The following IGSF22 variants were observed in gnomAD, a reference collection of about 807,000 sequenced individuals.
The protein encoded by IGSF22 is immunoglobulin superfamily, member 22.
In IGSF22, 119 loss-of-function variants were observed where a neutral mutation model predicts 127.0. That is an observed-to-expected ratio of 0.94 (90% CI 0.81 to 1.09). The LOEUF is 1.09. Among genes scored for constraint, IGSF22 ranks in the 50% least tolerant of loss-of-function variants. IGSF22 has a pLI of 0.00. For synonymous variants in IGSF22, 568 were observed against 664.7 expected (o/e 0.85, Z 2.24); for missense variants, 1,518 against 1,716.6 (o/e 0.88, Z 2.04).
At chr11:18,705,756 C>T (rs1215106322) in intron 22 of IGSF22, 61 bp downstream of exon 22, 3 of 1,430,444 alleles carry the variant, frequency 2.1e-6, no homozygotes, top group Non-Finnish European at 2.8e-6. Context: ...ACCAATGGCC[C>T]ACAAGACCAG....
At chr11:18,704,979 T>C (rs146162324) in intron 22 of IGSF22, among the ~76,000 whole-genome samples, 83 of 152,296 alleles carry the variant, frequency 5.4e-4, no homozygotes, top group African/African-American at 1.3e-3. Flanking sequence ...TCTGGAGATA[T>C]TGTCTCAGTG....
At chr11:18,719,997 G>A (rs1339522964) in intron 6 of IGSF22, 67 bp downstream of exon 6, 6 of 1,610,532 alleles carry the variant, frequency 3.7e-6, no homozygotes, top group Non-Finnish European at 5.1e-6. Context: ...CTTGTTGAGA[G>A]GCCTTTGAGA....
At position 18,721,991 on chromosome 11, in the gene IGSF22, C is replaced by T. The variant is rs762619295; in HGVS notation, c.160G>A (p.Val54Met). Residue 54 changes from valine to methionine, a missense_variant, in exon 3 of 23, where the codon GTG becomes ATG. Around this residue, in one of 3 missense-constraint regions of IGSF22, gnomAD observed 1,456 missense variants for 1,644.9 expected, o/e 0.89. Coordinates refer to ENST00000513874, the MANE Select transcript of IGSF22 (RefSeq NM_173588.4). ...SSSIVEFFSL[V>M]TRSSNIPAGD... is the part of the protein sequence containing the mutation. ...GCAGGGATGTTTGAGCTCCGGGTCA[C>T]TAAGCTGAAGAACTCCACTATGCTC... 3 of 1,614,118 alleles carry T rather than the reference C, an allele frequency of 1.9e-6. No individual in the cohort carries two copies. The highest frequency in any genetic ancestry group is 2.5e-6 in the Non-Finnish European group (3 of 1,180,038).
intron 9 of IGSF22, among the ~76,000 whole-genome samples, chr11:18,717,505 G>A (rs1164575835): frequency 6.6e-6 from 1 of 152,054 alleles, no homozygotes; most frequent in East Asian, 1.9e-4. Context: ...ATGGCTCACT[G>A]CAGCCTCAGC....
chr11:18,705,567 T>C (rs1848208104), intron 22 of IGSF22: 3 of 548,378 alleles, frequency 5.5e-6, no homozygotes, highest in Admixed American at 6.4e-5. Context: ...AGGTCTAGGC[T>C]CACCAAGAGT....
chr11:18,719,335 T>TC (rs1848524747), intron 7 of IGSF22, among the ~76,000 whole-genome samples: 1 of 151,970 alleles, frequency 6.6e-6, no homozygotes, highest in Non-Finnish European at 1.5e-5. Flanking sequence ...TTTTTGTTTT[T>TC]TTTGTATTTT....
At chr11:18,720,373 T>C (rs1848549332) in intron 4 of IGSF22, 88 bp from the exon 5 acceptor site, 1 of 919,480 alleles carries the variant, frequency 1.1e-6, no homozygotes, top group South Asian at 1.5e-5. Flanking sequence ...CTTTTTTTTT[T>C]TTAGGGGACA....
At chr11:18,705,143 T>A (rs1233285743) in intron 22 of IGSF22, among the ~76,000 whole-genome samples, 1 of 131,346 alleles carries the variant, frequency 7.6e-6, no homozygotes, top group Non-Finnish European at 1.6e-5. Flanking sequence ...GAAGGTGAGA[T>A]GAGAGGTGGG....
Position 18,709,890 on chromosome 11 carries a change from A to G in IGSF22, c.2702-207T>C, listed in dbSNP as rs895897253. Among the ~76,000 whole-genome samples, 2 of 151,964 alleles carry G rather than the reference A, an allele frequency of 1.3e-5. No individual in the cohort carries two copies. Among genetic ancestry groups the G allele is most frequent in the Non-Finnish European group, 2.9e-5 (2 of 68,002 alleles). Reference sequence around the variant, plus strand: ...TACTGTTTTAACACTTTCATCCTTAAACTCAATACCCCTTAAATTCAACAT... The same window carrying G: ...TACTGTTTTAACACTTTCATCCTTAGACTCAATACCCCTTAAATTCAACAT... On this transcript the variant is annotated intron_variant, in intron 17 of 22. Coordinates refer to ENST00000513874, the MANE Select transcript of IGSF22 (RefSeq NM_173588.4). The surrounding 1 kb of genome is among the most constrained non-coding windows in gnomAD (Gnocchi z 4.8).
At chr11:18,717,080 C>T in intron 9 of IGSF22, 80 bp from the exon 10 acceptor site, 4 of 1,484,578 alleles carry the variant, frequency 2.7e-6, no homozygotes, top group Non-Finnish European at 3.7e-6. Flanking sequence ...ACTCACATGT[C>T]ACTGGCCTCC....
rs914292318 is a variant in IGSF22, at chr11:18,722,162, G to T, written c.110-121C>A. The T allele has an allele frequency of 2.5e-6, 3 of 1,182,026 alleles. No homozygotes were observed. In the Admixed American group the frequency reaches 5.9e-5, roughly 23 times the overall value. 73.2% of individuals were successfully genotyped at this position (1,182,026 alleles called of 1,614,324 possible). The stretch of plus-strand genomic sequence containing the variant: ...GAACAAAGAGCATTTAGGGAAGTGG[G>T]AGCAGGACCAGCTACATGGGGAGAA... On this transcript the variant is annotated intron_variant, in intron 2 of 22. Transcript: ENST00000513874.
intron 1 of IGSF22, 101 bp from the exon 2 acceptor site, chr11:18,724,370 C>T (rs1848619701): frequency 1.6e-6 from 1 of 623,242 alleles, no homozygotes; most frequent in African/African-American, 1.8e-5. Flanking sequence ...TGGAAGCACA[C>T]AGGAGAGGGC....
chr11:18,725,661 C>T (rs924953065), intron 1 of IGSF22, among the ~76,000 whole-genome samples: 2 of 151,256 alleles, frequency 1.3e-5, no homozygotes, highest in Admixed American at 1.3e-4. Context: ...AGGCTAGTCT[C>T]GAATACCTGA....
At chr11:18,715,836 G>C (rs1035894538) in intron 10 of IGSF22, 120 bp from the exon 11 acceptor site, 4 of 1,110,282 alleles carry the variant, frequency 3.6e-6, no homozygotes, top group African/African-American at 1.5e-5. Flanking sequence ...TTGTGATGCT[G>C]AATGTGTTTG....
Position 18,716,928 on chromosome 11 carries a change from A to G in IGSF22, c.1046T>C (p.Ile349Thr). ...GTTGGGCTCTTTCTTGGAGAGGCGG[A>G]TCTCAAACACAGCTGTCTGGCGCTC... ...VTERQTAVFE[I>T]RLSKKEPNFV... The change falls in exon 10 of 23, where the codon ATC (isoleucine) becomes ACC (threonine). Residue 349 changes from isoleucine to threonine, a missense_variant. Physicochemically the swap from Ile to Thr is moderately conservative, Grantham distance 89. This residue lies in a region of IGSF22 where 1,456 missense variants were observed against 1,644.9 expected (regional missense o/e 0.89). Transcript: ENST00000513874. This position sits in a 1 kb window ranked among gnomAD's most constrained non-coding sequence, Gnocchi z 4.5. 6.2e-7 allele frequency: 1 copy of G among 1,614,084 alleles called. No homozygotes were observed. Among genetic ancestry groups the G allele is most frequent in the Non-Finnish European group, 8.5e-7 (1 of 1,180,018 alleles).
Position 18,719,827 on chromosome 11 carries a change from C to A in IGSF22, c.585G>T (p.Leu195Phe), listed in dbSNP as rs200739690. The A allele has an allele frequency of 1.7e-5, 27 of 1,614,090 alleles. No homozygotes were observed. Among genetic ancestry groups the A allele is most frequent in the Non-Finnish European group, 5.1e-6 (6 of 1,180,040 alleles). ...CAAAGTCTTTCTTGGGCACTTTGGA[C>A]AAAATCTCCAGCATCTCTTTCTCAT... ...VANEKEMLEILSKVPKKDFEK... is the reference protein window; with the variant it reads ...VANEKEMLEIFSKVPKKDFEK... Residue 195 changes from leucine to phenylalanine, a missense_variant, in exon 7 of 23, where the codon TTG becomes TTT. Transcript: ENST00000513874.
chr11:18,704,575 T>A (rs1439273236), intron 22 of IGSF22, 37 bp from the exon 23 acceptor site: 1 of 1,316,974 alleles, frequency 7.6e-7, no homozygotes, highest in East Asian at 2.5e-5. Context: ...ATATTAATGA[T>A]GCTGGCGACC....
rs1848366268 is a variant in IGSF22, at chr11:18,712,028, G to A, written c.2398+54C>T. On this transcript the variant is annotated intron_variant, in intron 15 of 22. Transcript: ENST00000513874. ...AGATCAGTGTTCCTTCCTGGCTTAA[G>A]GTCTCCATGCTGACCCCTGGGTTCC... 5 of 1,441,402 alleles carry A rather than the reference G, an allele frequency of 3.5e-6. No homozygotes were observed. The East Asian group carries it at 1.2e-4, about 36-fold the overall frequency. The allele number at this position is 1,441,402 out of a possible 1,614,324, so 89.3% of individuals were successfully genotyped here. A position where few individuals can be genotyped will look rare whatever the true frequency, so the allele number is the denominator to read the frequency against.
At position 18,714,018 on chromosome 11, in the gene IGSF22, C is replaced by G; in HGVS notation, c.1929G>C (p.Lys643Asn). 4 of 1,614,286 alleles carry G rather than the reference C, an allele frequency of 2.5e-6. No homozygotes were observed. Among genetic ancestry groups the G allele is most frequent in the Non-Finnish European group, 3.4e-6 (4 of 1,180,050 alleles). ...CCTCCTCCGTCACTTCCATGCCATC[C>G]TTGTACCATGTCACTTTGGGCAGTG... ...GKPLPKVTWY[K>N]DGMEVTEEER... Residue 643 changes from lysine (K) to asparagine (N), a missense_variant, in exon 14 of 23, where the codon AAG becomes AAC. Transcript: ENST00000513874.
Sources: gnomAD v4.1 joint callset for allele counts (sites outside exome capture counted in the v4.1 genomes callset) on GRCh38, gnomAD v4.1.1 for gene constraint, gnomAD v4.1.1 regional missense constraint, Gnocchi (gnomAD v3.1) non-coding constraint, MANE v1.5 for transcripts, NCBI Gene and HGNC (gene_info 2026-07-23, HGNC 2026-07-21) for gene names.